The following NRXN3 variants were observed in gnomAD, a reference collection of about 807,000 sequenced individuals.
NRXN3 encodes neurexin III.
NRXN3 carries 32 observed loss-of-function variants against 137.6 expected under a neutral mutation model. The ratio of observed to expected loss-of-function variants is 0.23; its 90% confidence interval spans 0.18 to 0.31. The LOEUF (loss-of-function observed/expected upper bound fraction) is 0.31, where lower values mean the gene tolerates loss of function less well. Among genes scored for constraint, NRXN3 ranks in the 10% least tolerant of loss-of-function variants. The pLI, the probability that NRXN3 is intolerant of heterozygous loss-of-function variation, is 1.00. For missense variants in NRXN3, 1,574 were observed against 2,062.5 expected, an observed-to-expected ratio of 0.76 and a Z score of 4.59; for synonymous variants, 798 against 784.5, an observed-to-expected ratio of 1.02 and a Z score of -0.29.
At chr14:78,479,030 A>AT (rs947821473) in intron 4 of NRXN3, among the ~76,000 whole-genome samples, 6 of 152,226 alleles carry the variant, frequency 3.9e-5, no homozygotes, top group Non-Finnish European at 7.3e-5. Context: ...AATTGTAAAT[A>AT]TTTTTTATAG....
intron 10 of NRXN3, among the ~76,000 whole-genome samples, chr14:78,926,317 T>A (rs192737294): frequency 6.6e-5 from 10 of 152,086 alleles, no homozygotes; most frequent in African/African-American, 2.4e-4. Flanking sequence ...GTAAAAATAA[T>A]CCTGTAATGA....
intron 1 of NRXN3, among the ~76,000 whole-genome samples, chr14:78,214,872 G>A (rs1007708884): frequency 2.0e-4 from 30 of 152,130 alleles, no homozygotes; most frequent in Admixed American, 1.7e-3. Context: ...GGCCTTGCGT[G>A]GTCACGGAGC....
chr14:78,395,153 T>G (rs955208281), intron 4 of NRXN3, among the ~76,000 whole-genome samples: 2 of 151,872 alleles, frequency 1.3e-5, no homozygotes, highest in Non-Finnish European at 2.9e-5. Context: ...TAAATTTGAC[T>G]TCCCCCCCTT....
chr14:79,203,750 G>T (rs538660926), intron 15 of NRXN3, among the ~76,000 whole-genome samples: 1 of 152,192 alleles, frequency 6.6e-6, no homozygotes, highest in South Asian at 2.1e-4. Flanking sequence ...AACAGGTACC[G>T]TGCACCTTCT....
intron 20 of NRXN3, among the ~76,000 whole-genome samples, chr14:79,839,843 T>C (rs2099352157): frequency 6.6e-6 from 1 of 152,214 alleles, no homozygotes; most frequent in South Asian, 2.1e-4. Context: ...AAAATGTTAC[T>C]GCTTGAATGG....
chr14:78,577,056 C>T (rs566382994), intron 4 of NRXN3, among the ~76,000 whole-genome samples: 1 of 152,250 alleles, frequency 6.6e-6, no homozygotes, highest in East Asian at 1.9e-4. Flanking sequence ...CAGAATACCC[C>T]CAAAGCTCCC....
chr14:79,286,020 ATGT>A (rs2082190896), intron 15 of NRXN3, among the ~76,000 whole-genome samples: 1 of 152,166 alleles, frequency 6.6e-6, no homozygotes, highest in Non-Finnish European at 1.5e-5. Flanking sequence ...CTAAGAGGTA[ATGT>A]TGTGTTTACA....
At chr14:79,150,097 C>T (rs181815872) in intron 15 of NRXN3, among the ~76,000 whole-genome samples, 5 of 152,120 alleles carry the variant, frequency 3.3e-5, no homozygotes, top group African/African-American at 4.8e-5. Flanking sequence ...TAACATGTTC[C>T]ATTCTAAGTC....
At chr14:78,584,431 T>C (rs977605320) in intron 4 of NRXN3, among the ~76,000 whole-genome samples, 5 of 152,074 alleles carry the variant, frequency 3.3e-5, no homozygotes, top group African/African-American at 4.8e-5. Context: ...CCTGTGATGA[T>C]CCTCCAAGTA....
chr14:79,200,575 C>T (rs1266104337), intron 15 of NRXN3, among the ~76,000 whole-genome samples: 2 of 152,092 alleles, frequency 1.3e-5, no homozygotes. Context: ...CTCTTACAGT[C>T]ATCACTTTGT....
chr14:79,675,785 GAC>G (rs1365742808), intron 17 of NRXN3, among the ~76,000 whole-genome samples: 1 of 152,018 alleles, frequency 6.6e-6, no homozygotes, highest in African/African-American at 2.4e-5. Context: ...ACCAAAGACA[GAC>G]ACAGATTCCA....
intron 10 of NRXN3, among the ~76,000 whole-genome samples, chr14:78,849,748 A>G (rs937468759): frequency 1.3e-5 from 2 of 152,060 alleles, no homozygotes; most frequent in African/African-American, 4.8e-5. Flanking sequence ...AGGAGAGGTA[A>G]TACTGTTACC....
intron 8 of NRXN3, among the ~76,000 whole-genome samples, chr14:78,769,225 C>A (rs1036111753): frequency 6.6e-6 from 1 of 152,194 alleles, no homozygotes; most frequent in Non-Finnish European, 1.5e-5. Flanking sequence ...TGATAGAAAC[C>A]AGGGACAAAG....
intron 2 of NRXN3, among the ~76,000 whole-genome samples, chr14:78,274,411 T>G (rs536320928): frequency 6.6e-6 from 1 of 152,264 alleles, no homozygotes; most frequent in Non-Finnish European, 1.5e-5. Context: ...CCATCAGATC[T>G]TGTGAGAACT....
chr14:78,522,184 A>G (rs2096293295), intron 4 of NRXN3, among the ~76,000 whole-genome samples: 1 of 152,208 alleles, frequency 6.6e-6, no homozygotes, highest in Non-Finnish European at 1.5e-5. Flanking sequence ...TGAGTAAGTT[A>G]CTATGCTTTT....
chr14:78,625,930 C>T lies in NRXN3; in HGVS notation c.758-19190C>T, dbSNP rs1177292300. Reference sequence around the variant, plus strand: ...CTCTTTCAATGGACAGGTTACCAAGCCTCAACTCCCATGTCTGTAGAAGAG... The same window carrying T: ...CTCTTTCAATGGACAGGTTACCAAGTCTCAACTCCCATGTCTGTAGAAGAG... On this transcript the variant is annotated intron_variant, in intron 4 of 20. Coordinates refer to ENST00000335750, the MANE Select transcript of NRXN3 (RefSeq NM_001330195.2). Among the ~76,000 whole-genome samples, 3 of 152,202 alleles carry T rather than the reference C, an allele frequency of 2.0e-5. No individual in the cohort carries two copies. The South Asian group carries it at 6.2e-4, about 32-fold the overall frequency.
At chr14:78,674,168 G>T (rs1369534937) in intron 6 of NRXN3, among the ~76,000 whole-genome samples, 1 of 152,126 alleles carries the variant, frequency 6.6e-6, no homozygotes, top group Non-Finnish European at 1.5e-5. Context: ...GGGCATTAGG[G>T]CTTTTGTGTG....
intron 20 of NRXN3, among the ~76,000 whole-genome samples, chr14:79,858,161 A>T (rs1393156224): frequency 8.7e-4 from 116 of 133,494 alleles, no homozygotes; most frequent in Middle Eastern, 3.6e-3. Flanking sequence ...TTTTTTTTTT[A>T]AATCTAAGAT....
chr14:79,737,369 A>G (rs2098945641), intron 19 of NRXN3, among the ~76,000 whole-genome samples: 1 of 152,190 alleles, frequency 6.6e-6, no homozygotes, highest in Non-Finnish European at 1.5e-5. Flanking sequence ...AAATAATGGA[A>G]AATTTGACAA....
Sources: allele counts gnomAD v4.1 joint callset (sites outside exome capture counted in the v4.1 genomes callset), GRCh38; gene constraint gnomAD v4.1.1; transcripts MANE v1.5; gene names NCBI Gene and HGNC (gene_info 2026-07-23, HGNC 2026-07-21).